The following LRRTM4 variants were observed in gnomAD, a reference collection of about 807,000 sequenced individuals.
LRRTM4 encodes the protein leucine rich repeat transmembrane neuronal 4, also known as leucine-rich repeat transmembrane neuronal protein 4.
In LRRTM4, 25 loss-of-function variants were observed where a neutral mutation model predicts 47.6. The ratio of observed to expected loss-of-function variants is 0.53; its 90% confidence interval spans 0.38 to 0.73. The LOEUF is 0.73. LRRTM4 is among the 30% of genes least tolerant of loss of function. LRRTM4 has a pLI of 0.00. For synonymous variants in LRRTM4, 311 were observed against 269.5 expected (o/e 1.15, Z -1.51); for missense variants, 638 against 713.4 (o/e 0.89, Z 1.20).
chr2:76,813,425 C>T (rs1670804229), intron 3 of LRRTM4, among the ~76,000 whole-genome samples: 1 of 151,954 alleles, frequency 6.6e-6, no homozygotes, highest in African/African-American at 2.4e-5. Flanking sequence ...ATATAAAAGC[C>T]CAAGTCTGAA....
intron 3 of LRRTM4, among the ~76,000 whole-genome samples, chr2:76,792,679 C>T (rs1239953806): frequency 6.6e-6 from 1 of 151,022 alleles, no homozygotes; most frequent in African/African-American, 2.5e-5. Flanking sequence ...TAGATGAAGA[C>T]CCTCTTATAG....
intron 3 of LRRTM4, among the ~76,000 whole-genome samples, chr2:77,236,638 A>C (rs1675110434): frequency 6.6e-6 from 1 of 152,090 alleles, no homozygotes; most frequent in South Asian, 2.1e-4. Context: ...TTGATCATTC[A>C]GTGTGATATT....
chr2:77,301,764 A>G (rs1677138441), intron 3 of LRRTM4, among the ~76,000 whole-genome samples: 1 of 152,134 alleles, frequency 6.6e-6, no homozygotes. Flanking sequence ...CTGCAAATGA[A>G]TAGTATCCTA....
intron 3 of LRRTM4, among the ~76,000 whole-genome samples, chr2:76,832,095 T>C (rs534773914): frequency 6.6e-6 from 1 of 152,118 alleles, no homozygotes; most frequent in Non-Finnish European, 1.5e-5. Flanking sequence ...AGGCTCCTAC[T>C]TTCTGAACAT....
intron 3 of LRRTM4, among the ~76,000 whole-genome samples, chr2:76,836,981 T>C (rs546981501): frequency 1.2e-4 from 18 of 152,138 alleles, no homozygotes; most frequent in African/African-American, 1.7e-4. Context: ...CCTCATGTTG[T>C]AAGTTACTCA....
At chr2:76,862,736 T>A (rs1672355445) in intron 3 of LRRTM4, among the ~76,000 whole-genome samples, 1 of 152,198 alleles carries the variant, frequency 6.6e-6, no homozygotes, top group Admixed American at 6.5e-5. Flanking sequence ...TAAACTGGAT[T>A]TTGTTGAATC....
chr2:76,812,710 T>C (rs1249142275), intron 3 of LRRTM4, among the ~76,000 whole-genome samples: 2 of 151,000 alleles, frequency 1.3e-5, no homozygotes, highest in African/African-American at 4.9e-5. Context: ...CTTTCTTTAT[T>C]TCTTTTTCTT....
At chr2:77,435,407 T>C (rs1675548583) in intron 3 of LRRTM4, among the ~76,000 whole-genome samples, 1 of 152,236 alleles carries the variant, frequency 6.6e-6, no homozygotes, top group Non-Finnish European at 1.5e-5. Flanking sequence ...CTTAAAGAAA[T>C]TGCTGTATTG....
intron 3 of LRRTM4, among the ~76,000 whole-genome samples, chr2:77,142,419 CCACACACACATACA>C (rs1303161667): frequency 1.6e-5 from 2 of 127,642 alleles, no homozygotes; most frequent in Admixed American, 1.7e-4. Context: ...CTGCTTGTTA[CCACACACACATACA>C]CACACACACA....
chr2:77,480,900 A>G (rs1335568611), intron 3 of LRRTM4, among the ~76,000 whole-genome samples: 1 of 147,334 alleles, frequency 6.8e-6, no homozygotes, highest in African/African-American at 2.5e-5. Flanking sequence ...TCTTTTTTCA[A>G]GTTGGACCCT....
chr2:77,291,616 G>A (rs1676823745), intron 3 of LRRTM4, among the ~76,000 whole-genome samples: 1 of 152,078 alleles, frequency 6.6e-6, no homozygotes, highest in Admixed American at 6.6e-5. Flanking sequence ...AAATCTTAAT[G>A]AGATAAAATT....
intron 3 of LRRTM4, among the ~76,000 whole-genome samples, chr2:76,795,289 G>A (rs1675218139): frequency 6.6e-6 from 1 of 152,090 alleles, no homozygotes; most frequent in Admixed American, 6.5e-5. Context: ...TATACTTATT[G>A]TGTACAATAT....
chr2:77,150,568 C>A (rs1267078607), intron 3 of LRRTM4, among the ~76,000 whole-genome samples: 1 of 152,060 alleles, frequency 6.6e-6, no homozygotes, highest in East Asian at 1.9e-4. Context: ...TCAGTTGATA[C>A]TACATTTTGC....
intron 3 of LRRTM4, among the ~76,000 whole-genome samples, chr2:77,141,929 C>T (rs1672134974): frequency 6.6e-6 from 1 of 152,116 alleles, no homozygotes; most frequent in South Asian, 2.1e-4. Flanking sequence ...GGCTTCAACA[C>T]CCAAGTCTTC....
At chr2:77,045,036 G>A (rs1441485168) in intron 3 of LRRTM4, among the ~76,000 whole-genome samples, 1 of 151,806 alleles carries the variant, frequency 6.6e-6, no homozygotes, top group East Asian at 1.9e-4. Context: ...TGAGGTACCT[G>A]CCTTTTAAAT....
chr2:76,856,282 A>C (rs1672147714), intron 3 of LRRTM4, among the ~76,000 whole-genome samples: 2 of 151,816 alleles, frequency 1.3e-5, no homozygotes, highest in Non-Finnish European at 1.5e-5. Context: ...GTCTCAGAAA[A>C]AGAGAGAGAG....
chr2:77,122,479 T>C (rs1004878887), intron 3 of LRRTM4, among the ~76,000 whole-genome samples: 1 of 149,934 alleles, frequency 6.7e-6, no homozygotes, highest in Non-Finnish European at 1.5e-5. Flanking sequence ...TATACACACA[T>C]AAATACTATA....
intron 3 of LRRTM4, among the ~76,000 whole-genome samples, chr2:76,941,349 T>C (rs542286529): frequency 2.2e-4 from 34 of 152,294 alleles, no homozygotes; most frequent in Admixed American, 3.9e-4. Flanking sequence ...AGTTCTGGGA[T>C]ACATGTGCAG....
intron 3 of LRRTM4, among the ~76,000 whole-genome samples, chr2:76,777,293 A>C (rs1309689296): frequency 2.8e-5 from 4 of 144,538 alleles, no homozygotes; most frequent in Non-Finnish European, 6.1e-5. Flanking sequence ...CAATTCTGTG[A>C]AGAAAGGCAT....
Sources: gnomAD v4.1 joint callset for allele counts (sites outside exome capture counted in the v4.1 genomes callset) on GRCh38, gnomAD v4.1.1 for gene constraint, MANE v1.5 for transcripts, NCBI Gene and HGNC (gene_info 2026-07-23, HGNC 2026-07-21) for gene names.